Variants in NAP1L1 observed in about 807,000 individuals in gnomAD.
NAP1L1 encodes nucleosome assembly protein 1-like 1.
In NAP1L1, 9 loss-of-function variants were observed where a neutral mutation model predicts 58.9. The ratio of observed to expected loss-of-function variants is 0.15; its 90% CI spans 0.09 to 0.27. NAP1L1 has a LOEUF of 0.27. Ranked by LOEUF, NAP1L1 falls within the 10% of genes least tolerant of loss-of-function variation. The pLI, the probability that NAP1L1 is intolerant of heterozygous loss-of-function variation, is 1.00. For synonymous variants in NAP1L1, 130 were observed against 138.3 expected (o/e 0.94, Z 0.42); for missense variants, 302 against 458.8 (o/e 0.66, Z 3.12).
intron 2 of NAP1L1, 120 bp from the exon 3 acceptor site, chr12:76,069,114 T>A: frequency 1.4e-6 from 1 of 720,164 alleles, no homozygotes; most frequent in Non-Finnish European, 2.3e-6. Flanking sequence ...AATAGGAAAT[T>A]CAAAAGGTAA....
Position 76,055,043 on chromosome 12 carries a change from C to T in NAP1L1, c.606G>A (p.Lys202=), listed in dbSNP as rs750666314. Residue 202 remains lysine (K), a synonymous_variant, in exon 8 of 15, where the codon AAG becomes AAA. Transcript: ENST00000618691. ...ILKHLKDIKV[K]FSDAGQPMSF... The stretch of plus-strand genomic sequence containing the variant: ...CCATAGGCTGGCCAGCATCTGAGAA[C>T]TTCACTTTAATATCTTTCAAGTGCT... 13 of 1,606,358 alleles carry T rather than the reference C, an allele frequency of 8.1e-6. No individual in the cohort carries two copies. Among genetic ancestry groups the T allele is most frequent in the Non-Finnish European group, 6.8e-6 (8 of 1,177,350 alleles).
Position 76,053,751 on chromosome 12 carries a change from G to T in NAP1L1, c.770+19C>A. The T allele has an allele frequency of 6.3e-7, 1 of 1,596,606 alleles. No homozygotes were observed. The highest frequency in any genetic ancestry group is 8.5e-7 in the Non-Finnish European group (1 of 1,175,324). ...AAAACAGAAAAAACATTTTGTTAAG[G>T]TAGTAAAATTAAACTCACCCTGTAC... On this transcript the variant is annotated intron_variant, in intron 9 of 14. Coordinates refer to ENST00000618691, the MANE Select transcript of NAP1L1 (RefSeq NM_004537.7).
At chr12:76,078,496 T>G (rs1592705179) in intron 1 of NAP1L1, among the ~76,000 whole-genome samples, 1 of 152,196 alleles carries the variant, frequency 6.6e-6, no homozygotes, top group South Asian at 2.1e-4. Flanking sequence ...AAATCAATCC[T>G]ACACAAAGAC....
At chr12:76,060,086 T>C (rs2137013190) in intron 5 of NAP1L1, 52 bp downstream of exon 5, 4 of 1,566,754 alleles carry the variant, frequency 2.6e-6, no homozygotes, top group Middle Eastern at 4.6e-4. Context: ...CTTATGTTTC[T>C]AGAATTCGTC....
intron 12 of NAP1L1, 21 bp from the exon 13 acceptor site, chr12:76,049,806 T>C (rs765139113): frequency 1.2e-6 from 2 of 1,612,210 alleles, no homozygotes; most frequent in East Asian, 4.5e-5. Flanking sequence ...AAAACAGCGT[T>C]AAGTGTTGAG....
chr12:76,071,297 G>A (rs542624697), intron 2 of NAP1L1, among the ~76,000 whole-genome samples: 1 of 152,130 alleles, frequency 6.6e-6, no homozygotes, highest in African/African-American at 2.4e-5. Context: ...ACCCTCCCAG[G>A]GCTAACAGGC....
intron 4 of NAP1L1, among the ~76,000 whole-genome samples, chr12:76,062,204 T>C (rs1949447492): frequency 6.6e-6 from 1 of 152,142 alleles, no homozygotes; most frequent in African/African-American, 2.4e-5. Flanking sequence ...ATGTATTTGA[T>C]CCAATCTAGG....
chr12:76,067,130 C>T (rs1020745210), intron 4 of NAP1L1, among the ~76,000 whole-genome samples: 1 of 152,034 alleles, frequency 6.6e-6, no homozygotes, highest in African/African-American at 2.4e-5. Context: ...CTAAACAAAT[C>T]TCTGAAATGC....
chr12:76,053,100 A>T lies in NAP1L1; in HGVS notation c.927T>A (p.Ser309Arg). ...NFFAPPEVPESGDLDDDAEAI... is the reference protein window; with the variant it reads ...NFFAPPEVPERGDLDDDAEAI... ...TAACAATTCAACTTACCAGATCTCC[A>T]CTCTCAGGAACTGCAAAATTGAGAA... Residue 309 changes from serine (S) to arginine (R), a missense_variant, in exon 11 of 15, where the codon AGT (serine) becomes AGA (arginine). Ser to Arg is a moderately radical substitution (Grantham distance 110). Coordinates refer to ENST00000618691, the MANE Select transcript of NAP1L1 (RefSeq NM_004537.7). 6.2e-7 allele frequency: 1 copy of T among 1,610,008 alleles called. No individual in the cohort carries two copies. The highest frequency in any genetic ancestry group is 8.5e-7 in the Non-Finnish European group (1 of 1,177,406).
chr12:76,066,137 T>TAAACAAAC (rs10563211), intron 4 of NAP1L1, among the ~76,000 whole-genome samples: 2 of 60,302 alleles, frequency 3.3e-5, no homozygotes, highest in Non-Finnish European at 6.0e-5. Flanking sequence ...AATAAATAAA[T>TAAACAAAC]AAACAAACAA....
intron 1 of NAP1L1, among the ~76,000 whole-genome samples, chr12:76,076,549 A>AATTATATATATAT (rs1301958068): frequency 8.3e-6 from 1 of 120,610 alleles, no homozygotes; most frequent in Non-Finnish European, 1.7e-5. Context: ...TGGATATGGA[A>AATTATATATATAT]ATATATATAT....
intron 1 of NAP1L1, among the ~76,000 whole-genome samples, chr12:76,077,943 G>A (rs1391916154): frequency 3.1e-5 from 4 of 129,458 alleles, no homozygotes; most frequent in African/African-American, 1.2e-4. Flanking sequence ...AGATCACACC[G>A]CTGCACTCCA....
In NAP1L1 at chr12:76,044,970, T is replaced by G. The variant is rs1345011924; in HGVS notation, c.*3459A>C. On this transcript the variant is annotated 3_prime_UTR_variant, in exon 15 of 15. Transcript: ENST00000618691. ...AAATCACCAGTATACATCTATTAAG[T>G]TAACTGCAGTATTATTTCACCATCA... is the stretch of plus-strand genomic sequence containing the variant. 1 of 152,158 alleles carries G rather than the reference T, an allele frequency of 6.6e-6. No individual in the cohort carries two copies. The highest frequency in any genetic ancestry group is 1.5e-5 in the Non-Finnish European group (1 of 68,002). The allele number at this position is 152,158 out of a possible 1,614,324, so 9.4% of individuals were successfully genotyped here. A position where few individuals can be genotyped will look rare whatever the true frequency, so the allele number is the denominator to read the frequency against.
rs1280867702 is a variant in NAP1L1, at chr12:76,040,308, T to A, written c.*8121A>T. On this transcript the variant is annotated 3_prime_UTR_variant, in exon 15 of 15. Transcript: ENST00000618691. ...TACTAGGTAACTGCAACTATTGATATGCCTTCCCTTGACTTTAAAAAACAA... is the reference window on the plus strand; with the variant it reads ...TACTAGGTAACTGCAACTATTGATAAGCCTTCCCTTGACTTTAAAAAACAA... 6.6e-6 allele frequency: 1 copy of A among 152,162 alleles called. No individual in the cohort carries two copies. Among genetic ancestry groups the A allele is most frequent in the African/African-American group, 2.4e-5 (1 of 41,412 alleles). 9.4% of individuals were successfully genotyped at this position (152,162 alleles called of 1,614,324 possible). A position where few individuals can be genotyped will look rare whatever the true frequency, so the allele number is the denominator to read the frequency against.
intron 6 of NAP1L1, among the ~76,000 whole-genome samples, chr12:76,058,844 A>T (rs1355932786): frequency 1.3e-5 from 2 of 152,170 alleles, no homozygotes; most frequent in Non-Finnish European, 2.9e-5. Flanking sequence ...CTGATGTGAT[A>T]GTTTTGAGAT....
intron 4 of NAP1L1, among the ~76,000 whole-genome samples, chr12:76,067,060 T>C (rs2137048878): frequency 6.6e-6 from 1 of 152,288 alleles, no homozygotes; most frequent in South Asian, 2.1e-4. Flanking sequence ...TAATGATTTA[T>C]GTCATCAGTG....
rs1193360775 is a variant in NAP1L1 at position 76,038,910 on chromosome 12, T to C, written c.*9519A>G. 2 of 152,182 alleles carry C rather than the reference T, an allele frequency of 1.3e-5. No homozygotes were observed. The highest frequency in any genetic ancestry group is 2.4e-5 in the African/African-American group (1 of 41,440). 9.4% of individuals were successfully genotyped at this position (152,182 alleles called of 1,614,324 possible). A position where few individuals can be genotyped will look rare whatever the true frequency, so the allele number is the denominator to read the frequency against. On this transcript the variant is annotated 3_prime_UTR_variant, in exon 15 of 15. Transcript: ENST00000618691. Reference sequence around the variant, plus strand: ...AGATTTCATTTACACTTTTAAGTCATTGTCTCAACCTAATTTGTGCATGCA... The same window carrying C: ...AGATTTCATTTACACTTTTAAGTCACTGTCTCAACCTAATTTGTGCATGCA...
chr12:76,082,666 A>T (rs968194324), intron 1 of NAP1L1, among the ~76,000 whole-genome samples: 1 of 152,206 alleles, frequency 6.6e-6, no homozygotes, highest in African/African-American at 2.4e-5. Context: ...GATTTAGGCC[A>T]TTTATTTAAA....
rs575173656 is a variant in NAP1L1, at chr12:76,045,721, A to G, written c.*2708T>C. The G allele has an allele frequency of 6.6e-6, 1 of 152,088 alleles. No individual in the cohort carries two copies. Among genetic ancestry groups the G allele is most frequent in the Non-Finnish European group, 1.5e-5 (1 of 67,912 alleles). 9.4% of individuals were successfully genotyped at this position (152,088 alleles called of 1,614,324 possible). On this transcript the variant is annotated 3_prime_UTR_variant, in exon 15 of 15. Coordinates refer to ENST00000618691, the MANE Select transcript of NAP1L1 (RefSeq NM_004537.7). ...TATGTGGCTTTCAGACATCCATGTT[A>G]AACTATCAACTTGTGGAATTTGTGG...
Sources: gnomAD v4.1 joint callset for allele counts (sites outside exome capture counted in the v4.1 genomes callset) on GRCh38, gnomAD v4.1.1 for gene constraint, MANE v1.5 for transcripts, NCBI Gene and HGNC (gene_info 2026-07-23, HGNC 2026-07-21) for gene names.